EPN2: variants seen among roughly 807,000 people sequenced by gnomAD.
The protein encoded by EPN2 is epsin-2.
EPN2 carries 34 observed loss-of-function variants against 61.7 expected under a neutral mutation model. The observed-to-expected ratio is 0.55, with a 90% CI of 0.42 to 0.73. The LOEUF is 0.73. Ranked by LOEUF, EPN2 falls within the 30% of genes least tolerant of loss-of-function variation. The pLI is 0.00. For synonymous variants in EPN2, 349 were observed against 353.6 expected, an observed-to-expected ratio of 0.99 and a Z score of 0.15; for missense variants, 714 against 839.2, an observed-to-expected ratio of 0.85 and a Z score of 1.84.
At chr17:19,245,464 G>GTGCAGTGGCGGGATCTCAGCTCAC (rs570620886) in intron 1 of EPN2, among the ~76,000 whole-genome samples, 1 of 148,526 alleles carries the variant, frequency 6.7e-6, no homozygotes, top group African/African-American at 2.5e-5. Flanking sequence ...CCAGGCTGGA[G>GTGCAGTGGCGGGATCTCAGCTCAC]TGCAGTGGCG....
intron 4 of EPN2, among the ~76,000 whole-genome samples, chr17:19,292,624 A>G (rs962026016): frequency 2.0e-5 from 3 of 152,272 alleles, no homozygotes; most frequent in Non-Finnish European, 2.9e-5. Context: ...TGACACATCT[A>G]TCCAAGTATC....
chr17:19,250,871 A>C (rs566058326), intron 1 of EPN2, among the ~76,000 whole-genome samples: 1 of 138,568 alleles, frequency 7.2e-6, no homozygotes, highest in African/African-American at 2.7e-5. Flanking sequence ...TACTGCCTCT[A>C]TACCCTTTCC....
chr17:19,282,192 A>G (rs980791214), intron 2 of EPN2, 115 bp downstream of exon 2: 1 of 152,226 alleles, frequency 6.6e-6, no homozygotes, highest in Non-Finnish European at 1.5e-5. Context: ...CTGGGCTATA[A>G]CCAGATTAGT....
chr17:19,332,165 A>AG (rs745987949), intron 10 of EPN2, 97 bp downstream of exon 10: 3 of 923,964 alleles, frequency 3.2e-6, no homozygotes, highest in Non-Finnish European at 5.0e-6. Flanking sequence ...GTGACGGGGA[A>AG]GGGGTGGGAC....
At chr17:19,306,558 A>G (rs1905853433) in intron 4 of EPN2, among the ~76,000 whole-genome samples, 1 of 152,252 alleles carries the variant, frequency 6.6e-6, no homozygotes, top group South Asian at 2.1e-4. Flanking sequence ...TTATTCTAAC[A>G]GTGTCAGTTA....
At chr17:19,243,517 C>G (rs1217944756) in intron 1 of EPN2, among the ~76,000 whole-genome samples, 1 of 151,398 alleles carries the variant, frequency 6.6e-6, no homozygotes, top group Non-Finnish European at 1.5e-5. Flanking sequence ...CTCAGCCTCC[C>G]GAGTAGCTGG....
chr17:19,335,653 C>T lies in EPN2; in HGVS notation c.*1399C>T, dbSNP rs946565955. 2.4e-6 allele frequency: 1 copy of T among 424,492 alleles called. No individual in the cohort carries two copies. Among genetic ancestry groups the T allele is most frequent in the Non-Finnish European group, 4.1e-6 (1 of 242,184 alleles). The allele number at this position is 424,492 out of a possible 1,614,324, so 26.3% of individuals were successfully genotyped here. A position where few individuals can be genotyped will look rare whatever the true frequency, so the allele number is the denominator to read the frequency against. On this transcript the variant is annotated 3_prime_UTR_variant, in exon 11 of 11. Coordinates refer to ENST00000314728, the MANE Select transcript of EPN2 (RefSeq NM_014964.5). ...TAAGGGACCAGGGCTGGCCCTGATC[C>T]ACCTACCTGCTAACTCCAGATATTA... is the stretch of plus-strand genomic sequence containing the variant.
chr17:19,272,149 G>A (rs563479046), intron 1 of EPN2, among the ~76,000 whole-genome samples: 12 of 152,302 alleles, frequency 7.9e-5, no homozygotes, highest in East Asian at 1.9e-4. Flanking sequence ...AAAGGCTCCC[G>A]TTCACTGCAC....
chr17:19,242,132 G>GAAAAAAA (rs5819664), intron 1 of EPN2, among the ~76,000 whole-genome samples: 1 of 115,370 alleles, frequency 8.7e-6, no homozygotes. Flanking sequence ...TGTTTGATCT[G>GAAAAAAA]AAAAAAAAAA....
chr17:19,323,435 C>T (rs904010608), intron 7 of EPN2, among the ~76,000 whole-genome samples: 2 of 152,188 alleles, frequency 1.3e-5, no homozygotes, highest in African/African-American at 4.8e-5. Context: ...GAAAGATGCT[C>T]CTTCTCAGAT....
At chr17:19,304,685 C>G (rs117771467) in intron 4 of EPN2, among the ~76,000 whole-genome samples, 1 of 152,230 alleles carries the variant, frequency 6.6e-6, no homozygotes, top group East Asian at 1.9e-4. Context: ...TACCTCCTCC[C>G]ACAGGCCCCA....
chr17:19,332,353 C>T (rs1194626762), intron 10 of EPN2, among the ~76,000 whole-genome samples: 5 of 152,036 alleles, frequency 3.3e-5, no homozygotes, highest in African/African-American at 4.8e-5. Flanking sequence ...GTGAGACCCT[C>T]GAGGGAATGT....
rs775917430 is a variant in EPN2, at chr17:19,329,557, C to T, written c.1325-4C>T. The T allele has an allele frequency of 6.9e-6, 11 of 1,602,844 alleles. No individual in the cohort carries two copies. Among genetic ancestry groups the T allele is most frequent in the Non-Finnish European group, 8.5e-6 (10 of 1,170,730 alleles). Reference sequence around the variant, plus strand: ...CCCAGTCATTGGCTTCTGTGTCCACCCAGGGTCCTTTGAGCTCTTCAGTAA... The same window carrying T: ...CCCAGTCATTGGCTTCTGTGTCCACTCAGGGTCCTTTGAGCTCTTCAGTAA... On this transcript the variant is annotated splice_region_variant and splice_polypyrimidine_tract_variant and intron_variant, in intron 8 of 10. Coordinates refer to ENST00000314728, the MANE Select transcript of EPN2 (RefSeq NM_014964.5).
intron 5 of EPN2, among the ~76,000 whole-genome samples, chr17:19,310,519 C>T (rs1906070514): frequency 6.6e-6 from 1 of 151,392 alleles, no homozygotes; most frequent in Admixed American, 6.6e-5. Flanking sequence ...TTTTCAGTTC[C>T]CATTTTTCTT....
chr17:19,243,018 T>C (rs181686640), intron 1 of EPN2, among the ~76,000 whole-genome samples: 6 of 152,292 alleles, frequency 3.9e-5, no homozygotes, highest in African/African-American at 1.4e-4. Flanking sequence ...GCCTCCTGGC[T>C]GGGTGGCTTT....
chr17:19,289,770 A>G (rs1472972919), intron 4 of EPN2, among the ~76,000 whole-genome samples: 2 of 110,238 alleles, frequency 1.8e-5, no homozygotes, highest in African/African-American at 3.3e-5. Flanking sequence ...TCTGTTGGCC[A>G]GGCTAGAGTG....
rs569709470 is a variant in EPN2 at position 19,255,100 on chromosome 17, G to A, written c.-294+17569G>A. Among the ~76,000 whole-genome samples, 183 of 152,282 alleles carry A rather than the reference G, an allele frequency of 1.2e-3. 1 individual carries two copies. The highest frequency in any genetic ancestry group is 2.7e-3 in the South Asian group (13 of 4,824). On this transcript the variant is annotated intron_variant, in intron 1 of 10. Transcript: ENST00000314728. ...TCAAGGGCTACTTCTGTGGAACTGT[G>A]CTTTGAGAGATGCAGTAAGAAGTAG...
intron 4 of EPN2, among the ~76,000 whole-genome samples, chr17:19,291,315 G>A (rs780903266): frequency 4.6e-5 from 7 of 151,852 alleles, no homozygotes; most frequent in African/African-American, 1.5e-4. Context: ...GCTGCTGTCC[G>A]CCAGGCCTTC....
At chr17:19,319,594 G>A (rs1906552565) in intron 7 of EPN2, among the ~76,000 whole-genome samples, 1 of 151,946 alleles carries the variant, frequency 6.6e-6, no homozygotes, top group South Asian at 2.1e-4. Context: ...GCCTGCCAAA[G>A]TGCTAGGATT....
Sources: allele counts gnomAD v4.1 joint callset (sites outside exome capture counted in the v4.1 genomes callset), GRCh38; gene constraint gnomAD v4.1.1; transcripts MANE v1.5; gene names NCBI Gene and HGNC (gene_info 2026-07-23, HGNC 2026-07-21).